SVOPL: variants seen among roughly 807,000 people sequenced by gnomAD.
The protein encoded by SVOPL is SVOP like, also known as putative transporter SVOPL.
Under a neutral mutation model 61.0 loss-of-function variants are expected in SVOPL, and 60 were observed. The observed-to-expected ratio is 0.98, with a 90% CI of 0.80 to 1.22. SVOPL has a LOEUF of 1.22. Among genes scored for constraint, SVOPL ranks in the 50% most tolerant of loss-of-function variants. The pLI is 0.00. For missense variants in SVOPL, 662 were observed against 643.9 expected (o/e 1.03, Z -0.30); for synonymous variants, 279 against 250.0 (o/e 1.12, Z -1.09).
At chr7:138,643,402 G>T (rs1800931312) in intron 9 of SVOPL, among the ~76,000 whole-genome samples, 2 of 134,908 alleles carry the variant, frequency 1.5e-5, no homozygotes, top group Non-Finnish European at 1.5e-5. Flanking sequence ...TCCAGCCTGG[G>T]CAAGAGTGAG....
intron 12 of SVOPL, 66 bp downstream of exon 12, chr7:138,627,284 C>A: frequency 8.2e-7 from 1 of 1,222,066 alleles, no homozygotes. Context: ...CTACTGAACA[C>A]CATGGGTCAG....
intron 14 of SVOPL, among the ~76,000 whole-genome samples, chr7:138,613,076 G>T (rs765277064): frequency 1.3e-5 from 2 of 151,810 alleles, no homozygotes; most frequent in African/African-American, 4.8e-5. Context: ...CTGGAGTGCA[G>T]CGGCACAATC....
intron 5 of SVOPL, chr7:138,660,799 A>T (rs1801967127): frequency 1.0e-6 from 1 of 977,658 alleles, no homozygotes; most frequent in Non-Finnish European, 1.2e-6. Context: ...TAATAATATT[A>T]TATAATAATA....
intron 1 of SVOPL, among the ~76,000 whole-genome samples, chr7:138,698,969 G>A (rs117238579): frequency 0.026 from 3,883 of 152,234 alleles, 69 homozygotes; most frequent in Non-Finnish European, 0.035. Flanking sequence ...TGGGGAACAC[G>A]GTGAAACCTC....
chr7:138,700,699 T>TGGAA, intron 1 of SVOPL, among the ~76,000 whole-genome samples: 1 of 148,830 alleles, frequency 6.7e-6, no homozygotes, highest in East Asian at 2.0e-4. Flanking sequence ...GATGGATGGA[T>TGGAA]GGATGGATGG....
At chr7:138,691,061 C>T (rs1236993796) in intron 1 of SVOPL, among the ~76,000 whole-genome samples, 1 of 152,178 alleles carries the variant, frequency 6.6e-6, no homozygotes, top group Non-Finnish European at 1.5e-5. Context: ...AGGCATGAGC[C>T]ACCGCACCCA....
chr7:138,641,827 T>C (rs1800810687), intron 9 of SVOPL, among the ~76,000 whole-genome samples: 1 of 140,362 alleles, frequency 7.1e-6, no homozygotes, highest in Non-Finnish European at 1.5e-5. Context: ...TATATATATA[T>C]ATATATAACA....
intron 1 of SVOPL, among the ~76,000 whole-genome samples, chr7:138,686,600 T>C (rs1304545073): frequency 7.0e-5 from 9 of 129,152 alleles, no homozygotes; most frequent in Non-Finnish European, 1.4e-4. Context: ...ATTTTCACTC[T>C]TTTTGCCCAG....
intron 1 of SVOPL, among the ~76,000 whole-genome samples, chr7:138,679,559 G>C (rs12540630): frequency 0.24 from 36,962 of 151,892 alleles, 4,634 homozygotes; most frequent in Middle Eastern, 0.43. Flanking sequence ...AGGCGTGAAC[G>C]ACTGTGCCCA....
intron 1 of SVOPL, among the ~76,000 whole-genome samples, chr7:138,687,228 C>CTTTTTTTTTT (rs71179722): frequency 1.7e-4 from 13 of 77,042 alleles, no homozygotes; most frequent in Non-Finnish European, 2.3e-4. Flanking sequence ...CTTTTTTCCT[C>CTTTTTTTTTT]TTTTTTTTTT....
At chr7:138,694,387 A>G (rs296919) in intron 1 of SVOPL, among the ~76,000 whole-genome samples, 36,655 of 151,304 alleles carry the variant, frequency 0.24, 4,818 homozygotes, top group African/African-American at 0.32. Context: ...TGGGATTACA[A>G]GTGCCTGCCA....
intron 8 of SVOPL, chr7:138,646,115 G>T: frequency 5.2e-6 from 1 of 192,634 alleles, no homozygotes; most frequent in African/African-American, 2.4e-5. Context: ...CGCCCGGCTG[G>T]CTTGTTTTTC....
At chr7:138,660,189 A>C in intron 5 of SVOPL, 1 of 1,335,094 alleles carries the variant, frequency 7.5e-7, no homozygotes, top group Non-Finnish European at 9.6e-7. Flanking sequence ...CAGACCTACC[A>C]AGTTCAGACC....
intron 1 of SVOPL, among the ~76,000 whole-genome samples, chr7:138,685,876 A>AT (rs1563138413): frequency 2.3e-4 from 34 of 150,952 alleles, no homozygotes; most frequent in East Asian, 9.8e-4. Context: ...TCTCAAAAAA[A>AT]AAATAAAATA....
At chr7:138,686,866 G>C (rs1330278564) in intron 1 of SVOPL, among the ~76,000 whole-genome samples, 3 of 151,896 alleles carry the variant, frequency 2.0e-5, no homozygotes, top group African/African-American at 7.3e-5. Context: ...ACCTGGCCTA[G>C]TTTTTAATCT....
chr7:138,597,268 G>A (rs1798319281), intron 14 of SVOPL: 3 of 1,264,352 alleles, frequency 2.4e-6, no homozygotes, highest in African/African-American at 1.5e-5. Context: ...ACAGAATAAT[G>A]TATTATAATT....
At chr7:138,662,693 C>T (rs776825209) in intron 5 of SVOPL, 6 of 1,041,470 alleles carry the variant, frequency 5.8e-6, no homozygotes, top group African/African-American at 3.4e-5. Context: ...TTCTCAACAC[C>T]ACCACAGTAA....
intron 4 of SVOPL, among the ~76,000 whole-genome samples, chr7:138,665,291 T>C (rs1024090925): frequency 1.3e-5 from 2 of 150,518 alleles, no homozygotes; most frequent in Admixed American, 6.6e-5. Context: ...TAACAACCGC[T>C]TAGAAAACAG....
At chr7:138,613,842 A>G (rs1799165779) in intron 14 of SVOPL, among the ~76,000 whole-genome samples, 2 of 152,190 alleles carry the variant, frequency 1.3e-5, no homozygotes, top group Admixed American at 6.5e-5. Flanking sequence ...ATCATTTGTC[A>G]ATTTCCACAG....
Sources: gnomAD v4.1 joint callset for allele counts (sites outside exome capture counted in the v4.1 genomes callset) on GRCh38, gnomAD v4.1.1 for gene constraint, MANE v1.5 for transcripts, NCBI Gene and HGNC (gene_info 2026-07-23, HGNC 2026-07-21) for gene names.